Variants in CEP85 observed in about 807,000 individuals in gnomAD.
The protein encoded by CEP85 is centrosomal protein 85.
Under a neutral mutation model 93.7 loss-of-function variants are expected in CEP85, and 58 were observed. That is an observed-to-expected ratio of 0.62 (90% CI 0.50 to 0.77). CEP85 has a LOEUF of 0.77. CEP85 is among the 30% of genes least tolerant of loss of function. The probability of loss-of-function intolerance (pLI) is 0.00; values close to 1 mark genes in which losing one functional copy is unlikely to be tolerated. For synonymous variants in CEP85, 314 were observed against 338.6 expected (o/e 0.93, Z 0.80); for missense variants, 868 against 922.0 (o/e 0.94, Z 0.76).
Position 26,244,203 on chromosome 1 carries a change from T to C in CEP85, c.93T>C (p.Thr31=). Residue 31 remains threonine, a synonymous_variant, in exon 3 of 14, where the codon ACT becomes ACC. Transcript: ENST00000451429. Reference sequence around the variant, plus strand: ...TTCAGAAGGGCAGTTCCCTGGGGACTGAATGGCAGACCCCAGTTATCTCGG... The same window carrying C: ...TTCAGAAGGGCAGTTCCCTGGGGACCGAATGGCAGACCCCAGTTATCTCGG... ...DVIQKGSSLG[T]EWQTPVISEP... is the part of the protein sequence containing the mutation. 6.2e-7 allele frequency: 1 copy of C among 1,613,648 alleles called. No homozygotes were observed. Among genetic ancestry groups the C allele is most frequent in the Non-Finnish European group, 8.5e-7 (1 of 1,179,970 alleles).
chr1:26,269,804 T>TTTTG (rs5773152), intron 9 of CEP85, among the ~76,000 whole-genome samples, 190 bp downstream of exon 9: 12 of 145,986 alleles, frequency 8.2e-5, no homozygotes, highest in Admixed American at 6.8e-4. Flanking sequence ...TTTTTTTTTT[T>TTTTG]GAGACGGAGT....
chr1:26,272,391 CTGGATAGGATGTGT>C (rs1156631327), intron 11 of CEP85: 1 of 338,660 alleles, frequency 3.0e-6, no homozygotes, highest in African/African-American at 2.1e-5. Context: ...ACAAGAGGAG[CTGGATAGGATGTGT>C]TGGATTCCAG....
In CEP85 at chr1:26,277,316, G is replaced by C. The variant is rs1267724379; in HGVS notation, c.*23G>C. On this transcript the variant is annotated 3_prime_UTR_variant, in exon 14 of 14. Transcript: ENST00000451429. ...TGAGGAATTCTGGGGGATTCCCCCA[G>C]GGAGGAGCTGGGCTGCTGAGAGCCT... 1 of 1,601,024 alleles carries C rather than the reference G, an allele frequency of 6.2e-7. No individual in the cohort carries two copies. The highest frequency in any genetic ancestry group is 2.2e-5 in the East Asian group (1 of 44,532).
rs185602465 is a variant in CEP85 at position 26,277,482 on chromosome 1, T to G, written c.*189T>G. 1.2e-5 allele frequency: 7 copies of G among 562,738 alleles called. No individual in the cohort carries two copies. The highest frequency in any genetic ancestry group is 9.4e-5 in the South Asian group (4 of 42,550). The allele number at this position is 562,738 out of a possible 1,614,324, so 34.9% of individuals were successfully genotyped here. A position where few individuals can be genotyped will look rare whatever the true frequency, so the allele number is the denominator to read the frequency against. Reference sequence around the variant, plus strand: ...CCCACACTGGCATGTTGGATTACGTTTGTCCTGTTAATTCACTCTAGACGG... The same window carrying G: ...CCCACACTGGCATGTTGGATTACGTGTGTCCTGTTAATTCACTCTAGACGG... On this transcript the variant is annotated 3_prime_UTR_variant, in exon 14 of 14. Transcript: ENST00000451429.
At chr1:26,236,019 G>C (rs2089321941) in intron 1 of CEP85, among the ~76,000 whole-genome samples, 1 of 152,222 alleles carries the variant, frequency 6.6e-6, no homozygotes, top group East Asian at 1.9e-4. Flanking sequence ...TATAATTGAG[G>C]CTTGCAGCTC....
chr1:26,239,585 C>T (rs1271063765), intron 1 of CEP85, among the ~76,000 whole-genome samples, 177 bp from the exon 2 acceptor site: 1 of 147,142 alleles, frequency 6.8e-6, no homozygotes, highest in African/African-American at 2.7e-5. Context: ...CTCCTGACCT[C>T]AGTTGATCTG....
At chr1:26,268,353 G>C (rs959176834) in intron 7 of CEP85, 130 bp from the exon 8 acceptor site, 1 of 968,190 alleles carries the variant, frequency 1.0e-6, no homozygotes, top group Non-Finnish European at 1.6e-6. Context: ...AGCTACTCCA[G>C]GGGCTGAGGT....
At chr1:26,274,834 C>G in intron 11 of CEP85, 130 bp from the exon 12 acceptor site, 1 of 690,788 alleles carries the variant, frequency 1.4e-6, no homozygotes, top group Non-Finnish European at 2.5e-6. Flanking sequence ...CAGGACTGTT[C>G]TAAAATGATT....
chr1:26,256,718 C>T (rs1281809493), intron 4 of CEP85, among the ~76,000 whole-genome samples: 2 of 149,346 alleles, frequency 1.3e-5, no homozygotes, highest in Non-Finnish European at 3.0e-5. Flanking sequence ...CCTGCCTTAA[C>T]CTCCCGAGTA....
At chr1:26,239,905 T>C in intron 2 of CEP85, 67 bp downstream of exon 2, 1 of 1,177,814 alleles carries the variant, frequency 8.5e-7, no homozygotes, top group Non-Finnish European at 1.3e-6. Flanking sequence ...TTCCTTAAGG[T>C]AAATATTGAA....
intron 7 of CEP85, among the ~76,000 whole-genome samples, chr1:26,260,695 A>G (rs528580025): frequency 2.3e-4 from 35 of 152,302 alleles, no homozygotes; most frequent in African/African-American, 6.7e-4. Flanking sequence ...AACTAGAGCA[A>G]TACTTCTCAA....
At chr1:26,270,655 G>A (rs957445071) in intron 9 of CEP85, among the ~76,000 whole-genome samples, 7 of 152,230 alleles carry the variant, frequency 4.6e-5, no homozygotes, top group Non-Finnish European at 7.3e-5. Flanking sequence ...CAGACTGTGT[G>A]TGCCAAGAAA....
chr1:26,244,008 A>C lies in CEP85; in HGVS notation c.56-158A>C, dbSNP rs867671156. ...CTCCGTCTCAAAAAAAAAAAAAAAA[A>C]AAAAAAAAACTAGATCGGAGCAGCT... On this transcript the variant is annotated intron_variant, in intron 2 of 13. Coordinates refer to ENST00000451429, the MANE Select transcript of CEP85 (RefSeq NM_001319944.2). Among the ~76,000 whole-genome samples the C allele has an allele frequency of 3.9e-3, 391 of 100,586 alleles. 2 individuals are homozygous for C. Among genetic ancestry groups the C allele is most frequent in the Middle Eastern group, 0.012 (2 of 170 alleles). The allele number at this position is 100,586 out of a possible 152,430, so 66.0% of individuals were successfully genotyped here.
At chr1:26,253,441 G>A (rs527406208) in intron 3 of CEP85, among the ~76,000 whole-genome samples, 4 of 149,564 alleles carry the variant, frequency 2.7e-5, no homozygotes, top group Middle Eastern at 3.4e-3. Flanking sequence ...CCAGGCTGGA[G>A]TGCAGTAGTG....
At chr1:26,245,415 C>T (rs974260175) in intron 3 of CEP85, among the ~76,000 whole-genome samples, 7 of 152,016 alleles carry the variant, frequency 4.6e-5, no homozygotes, top group Non-Finnish European at 1.0e-4. Flanking sequence ...CCTCCTCTTG[C>T]CTTTCCTAGC....
At chr1:26,238,917 G>A (rs2089373609) in intron 1 of CEP85, among the ~76,000 whole-genome samples, 1 of 152,190 alleles carries the variant, frequency 6.6e-6, no homozygotes, top group Non-Finnish European at 1.5e-5. Context: ...CTCAGGATTG[G>A]AGTTCTACTT....
rs1412523338 is a variant in CEP85 at position 26,259,640 on chromosome 1, C to G, written c.1179C>G (p.Phe393Leu). ...AGGAATTGCAGCGAGAAAACACTTT[C>G]TTACGTGCACAGTTTGCACAGAAGA... is the stretch of plus-strand genomic sequence containing the variant. ...RLQELQRENT[F>L]LRAQFAQKTE... The change falls in exon 7 of 14, where the codon TTC becomes TTG. Residue 393 changes from phenylalanine to leucine, a missense_variant. By Grantham distance (22) the Phe-to-Leu change is conservative. Transcript: ENST00000451429. 6.2e-7 allele frequency: 1 copy of G among 1,608,916 alleles called. No individual in the cohort carries two copies. Among genetic ancestry groups the G allele is most frequent in the Non-Finnish European group, 8.5e-7 (1 of 1,178,000 alleles).
intron 1 of CEP85, among the ~76,000 whole-genome samples, chr1:26,235,373 C>A (rs1407336082): frequency 1.3e-5 from 2 of 152,114 alleles, no homozygotes; most frequent in Admixed American, 6.6e-5. Flanking sequence ...TTTGTAAAGG[C>A]AACTTCTTGT....
intron 3 of CEP85, among the ~76,000 whole-genome samples, chr1:26,251,776 G>T (rs2089620431): frequency 6.6e-6 from 1 of 152,188 alleles, no homozygotes; most frequent in African/African-American, 2.4e-5. Context: ...AATCTAGAGA[G>T]AGTGGTGCTA....
Sources: allele counts gnomAD v4.1 joint callset (sites outside exome capture counted in the v4.1 genomes callset), GRCh38; gene constraint gnomAD v4.1.1; transcripts MANE v1.5; gene names NCBI Gene and HGNC (gene_info 2026-07-23, HGNC 2026-07-21).